FHIT: variants seen among roughly 807,000 people sequenced by gnomAD.
The protein encoded by FHIT is fragile histidine triad diadenosine triphosphatase.
A neutral mutation model predicts 17.9 loss-of-function variants in FHIT; 19 were observed. The observed-to-expected ratio is 1.06, with a 90% CI of 0.74 to 1.56. The LOEUF is 1.56. Among genes scored for constraint, FHIT ranks in the 40% most tolerant of loss-of-function variants. FHIT has a pLI of 0.00. For missense variants in FHIT, 248 were observed against 189.2 expected (o/e 1.31, Z -1.82); for synonymous variants, 81 against 69.7 (o/e 1.16, Z -0.81).
chr3:60,569,489 C>A (rs955309788), intron 4 of FHIT, among the ~76,000 whole-genome samples: 10 of 151,868 alleles, frequency 6.6e-5, no homozygotes, highest in Admixed American at 2.6e-4. Context: ...CTACTCCAAG[C>A]ATATGCCTAC....
intron 7 of FHIT, among the ~76,000 whole-genome samples, chr3:59,982,334 A>C (rs566460552): frequency 1.3e-5 from 2 of 152,296 alleles, no homozygotes; most frequent in East Asian, 3.9e-4. Context: ...ATCCCCCAAG[A>C]AACTTTTGAG....
chr3:61,108,540 G>C (rs932141827), intron 2 of FHIT, among the ~76,000 whole-genome samples: 4 of 152,116 alleles, frequency 2.6e-5, no homozygotes, highest in Admixed American at 2.0e-4. Context: ...AATAGCCTAT[G>C]ACCTGGCAAA....
chr3:60,889,213 A>G (rs782566721), intron 3 of FHIT, among the ~76,000 whole-genome samples: 19 of 152,066 alleles, frequency 1.2e-4, no homozygotes, highest in Non-Finnish European at 2.5e-4. Context: ...TAAATTAGCC[A>G]ATTGGAATTA....
intron 2 of FHIT, chr3:61,166,998 C>G (rs539393083): frequency 1.3e-5 from 2 of 152,274 alleles, no homozygotes; most frequent in African/African-American, 4.8e-5. Context: ...TGGAGAAGCC[C>G]AGGGAATGAC....
chr3:60,488,782 T>C (rs1467575002), intron 5 of FHIT, among the ~76,000 whole-genome samples: 4 of 152,192 alleles, frequency 2.6e-5, no homozygotes, highest in South Asian at 4.1e-4. Flanking sequence ...TAACTTTCTC[T>C]ATCAAGTTCA....
chr3:60,987,729 C>T (rs1479556651), intron 3 of FHIT, among the ~76,000 whole-genome samples: 1 of 152,082 alleles, frequency 6.6e-6, no homozygotes, highest in African/African-American at 2.4e-5. Context: ...TTTATAGAGC[C>T]AAATCAGTAA....
intron 5 of FHIT, among the ~76,000 whole-genome samples, chr3:60,244,082 C>T (rs991259115): frequency 1.3e-5 from 2 of 152,084 alleles, no homozygotes; most frequent in Non-Finnish European, 2.9e-5. Flanking sequence ...CAGTTCCCAT[C>T]AAGCCAGTAT....
At chr3:60,267,291 C>G (rs1706630210) in intron 5 of FHIT, among the ~76,000 whole-genome samples, 1 of 151,266 alleles carries the variant, frequency 6.6e-6, no homozygotes, top group Admixed American at 6.6e-5. Context: ...AGTAACAAGC[C>G]TTATAGGGCT....
chr3:60,319,076 T>A (rs761980033), intron 5 of FHIT, among the ~76,000 whole-genome samples: 7 of 152,076 alleles, frequency 4.6e-5, no homozygotes, highest in Non-Finnish European at 1.0e-4. Context: ...ACCCACTTTA[T>A]CCAGGATAAC....
chr3:60,363,759 C>G (rs1010354147), intron 5 of FHIT, among the ~76,000 whole-genome samples: 2 of 152,214 alleles, frequency 1.3e-5, no homozygotes, highest in Admixed American at 6.5e-5. Flanking sequence ...CCCTGGCCCC[C>G]CTGGCCCCCC....
intron 8 of FHIT, among the ~76,000 whole-genome samples, chr3:59,888,052 G>A (rs975097648): frequency 6.6e-6 from 1 of 152,112 alleles, no homozygotes; most frequent in Non-Finnish European, 1.5e-5. Context: ...AAAATAAGAC[G>A]GGTGTACTTT....
At chr3:60,318,734 C>T (rs1382798110) in intron 5 of FHIT, among the ~76,000 whole-genome samples, 1 of 152,144 alleles carries the variant, frequency 6.6e-6, no homozygotes, top group Non-Finnish European at 1.5e-5. Flanking sequence ...TTTTTGATTG[C>T]TGCTGTAACA....
At chr3:60,868,592 A>T (rs1704265676) in intron 3 of FHIT, among the ~76,000 whole-genome samples, 1 of 152,110 alleles carries the variant, frequency 6.6e-6, no homozygotes. Flanking sequence ...TTTTCCAATC[A>T]ATTCATGAGT....
intron 3 of FHIT, among the ~76,000 whole-genome samples, chr3:60,971,375 C>T (rs1709999686): frequency 6.6e-6 from 1 of 152,112 alleles, no homozygotes; most frequent in Non-Finnish European, 1.5e-5. Flanking sequence ...CCATCAAATA[C>T]TCTGGAAATA....
intron 5 of FHIT, among the ~76,000 whole-genome samples, chr3:60,204,401 C>G (rs1026496153): frequency 2.0e-4 from 30 of 152,024 alleles, no homozygotes; most frequent in South Asian, 4.2e-4. Flanking sequence ...TTCTGAGTAG[C>G]TGGGATTACA....
At chr3:60,478,150 C>A (rs904667528) in intron 5 of FHIT, among the ~76,000 whole-genome samples, 4 of 152,194 alleles carry the variant, frequency 2.6e-5, no homozygotes, top group Non-Finnish European at 5.9e-5. Context: ...TATTTCACTA[C>A]CAAACATAAT....
At chr3:60,041,379 T>A (rs1701433492) in intron 5 of FHIT, among the ~76,000 whole-genome samples, 1 of 152,194 alleles carries the variant, frequency 6.6e-6, no homozygotes, top group African/African-American at 2.4e-5. Flanking sequence ...GCCAATGACT[T>A]CTTTCAGACA....
chr3:60,731,193 A>G (rs1472016700), intron 4 of FHIT, among the ~76,000 whole-genome samples: 2 of 152,154 alleles, frequency 1.3e-5, no homozygotes, highest in Admixed American at 1.3e-4. Flanking sequence ...TACTGGCCGA[A>G]CATATCTGAG....
chr3:60,831,644 A>G, intron 3 of FHIT, among the ~76,000 whole-genome samples: 1 of 152,312 alleles, frequency 6.6e-6, no homozygotes, highest in South Asian at 2.1e-4. Flanking sequence ...ATAATTATGG[A>G]ACACTTAGTA....
Sources: gnomAD v4.1 joint callset for allele counts (sites outside exome capture counted in the v4.1 genomes callset) on GRCh38, gnomAD v4.1.1 for gene constraint, MANE v1.5 for transcripts, NCBI Gene and HGNC (gene_info 2026-07-23, HGNC 2026-07-21) for gene names.